Variants in CSMD2 observed in about 807,000 individuals in gnomAD.
CSMD2 encodes CUB and Sushi multiple domains 2.
A neutral mutation model predicts 398.5 loss-of-function variants in CSMD2; 130 were observed. That is an observed-to-expected ratio of 0.33 (90% confidence interval 0.28 to 0.38). The LOEUF (loss-of-function observed/expected upper bound fraction) is 0.38, where lower values mean the gene tolerates loss of function less well. Ranked by LOEUF, CSMD2 falls within the 10% of genes least tolerant of loss-of-function variation. The probability of loss-of-function intolerance (pLI) is 1.00; values close to 1 mark genes in which losing one functional copy is unlikely to be tolerated. For synonymous variants in CSMD2, 1,828 were observed against 1,908.5 expected (o/e 0.96, Z 1.10); for missense variants, 3,829 against 4,764.9 (o/e 0.80, Z 5.78).
chr1:33,664,114 A>G (rs1233665342), intron 25 of CSMD2, among the ~76,000 whole-genome samples: 1 of 152,234 alleles, frequency 6.6e-6, no homozygotes, highest in Non-Finnish European at 1.5e-5. Flanking sequence ...AAAATAAGAC[A>G]TACTCAAGGC....
chr1:33,975,586 T>C (rs892534497), intron 3 of CSMD2, among the ~76,000 whole-genome samples: 1 of 151,780 alleles, frequency 6.6e-6, no homozygotes, highest in Admixed American at 6.6e-5. Flanking sequence ...AGATTCCTTC[T>C]GTAATAAGAT....
chr1:33,515,552 AG>A lies in CSMD2; in HGVS notation c.*1071del, dbSNP rs1394261311. On this transcript the variant is annotated 3_prime_UTR_variant, in exon 71 of 71. Coordinates refer to ENST00000373381, the MANE Select transcript of CSMD2 (RefSeq NM_001281956.2). ...TTCCTAACTCTGTCTTTACCTTTGC[AG>A]GCTTCTGTTTTCTCATCTGTCAAAG... 6.6e-6 allele frequency: 1 copy of A among 152,166 alleles called. No homozygotes were observed. Among genetic ancestry groups the A allele is most frequent in the African/African-American group, 2.4e-5 (1 of 41,422 alleles). The allele number at this position is 152,166 out of a possible 1,614,324, so 9.4% of individuals were successfully genotyped here.
intron 12 of CSMD2, among the ~76,000 whole-genome samples, chr1:33,775,028 A>G (rs1240096959): frequency 6.6e-6 from 1 of 152,198 alleles, no homozygotes; most frequent in Non-Finnish European, 1.5e-5. Context: ...TGCACATAGG[A>G]GAAGCACCTA....
chr1:34,150,340 C>T (rs544962267), intron 1 of CSMD2, among the ~76,000 whole-genome samples: 1 of 152,296 alleles, frequency 6.6e-6, no homozygotes, highest in African/African-American at 2.4e-5. Context: ...CCACCTTAGT[C>T]TCTCAGAGTG....
chr1:33,993,806 C>A (rs976416824), intron 3 of CSMD2, among the ~76,000 whole-genome samples: 3 of 152,116 alleles, frequency 2.0e-5, no homozygotes, highest in African/African-American at 4.8e-5. Context: ...CTCTCCTAGA[C>A]CCCCTTGGAA....
chr1:33,824,915 A>G (rs1365297339), intron 7 of CSMD2, among the ~76,000 whole-genome samples: 1 of 151,950 alleles, frequency 6.6e-6, no homozygotes, highest in Non-Finnish European at 1.5e-5. Context: ...AGGAAAGTGG[A>G]AGGTTTCTGG....
At chr1:34,090,452 AT>A (rs1658425453) in intron 1 of CSMD2, among the ~76,000 whole-genome samples, 1 of 151,856 alleles carries the variant, frequency 6.6e-6, no homozygotes, top group African/African-American at 2.4e-5. Flanking sequence ...CAACGTCATG[AT>A]CCAGGCCAGC....
In CSMD2 at chr1:33,829,072, C is replaced by T. The variant is rs367799412; in HGVS notation, c.1034-3298G>A. Among the ~76,000 whole-genome samples the T allele has an allele frequency of 5.9e-5, 9 of 152,302 alleles. No individual in the cohort carries two copies. In the South Asian group the frequency reaches 1.9e-3, roughly 32 times the overall value. ...TATCACCAGTGTTGCCTGTAGCCAC[C>T]ACATGGTCATCGGATGCATGCTAGA... is the stretch of plus-strand genomic sequence containing the variant. On this transcript the variant is annotated intron_variant, in intron 6 of 70. Coordinates refer to ENST00000373381, the MANE Select transcript of CSMD2 (RefSeq NM_001281956.2).
intron 24 of CSMD2, among the ~76,000 whole-genome samples, chr1:33,696,743 G>A (rs145128546): frequency 6.6e-6 from 1 of 152,020 alleles, no homozygotes; most frequent in East Asian, 1.9e-4. Context: ...CTGGCAGGTG[G>A]GCAGGAGGGG....
intron 49 of CSMD2, among the ~76,000 whole-genome samples, chr1:33,573,082 T>C (rs1489866936): frequency 6.6e-5 from 10 of 152,302 alleles, no homozygotes; most frequent in Non-Finnish European, 1.3e-4. Context: ...AGGGCTGTTA[T>C]GGTGGGAGTT....
intron 39 of CSMD2, 42 bp from the exon 40 acceptor site, chr1:33,614,662 G>A (rs1266948449): frequency 8.8e-7 from 1 of 1,140,516 alleles, no homozygotes. Flanking sequence ...ACAACATCAA[G>A]GGGTGTACAG....
intron 2 of CSMD2, among the ~76,000 whole-genome samples, chr1:34,083,274 T>A (rs1205139121): frequency 6.6e-6 from 1 of 152,102 alleles, no homozygotes; most frequent in Non-Finnish European, 1.5e-5. Flanking sequence ...GAGGCTGAGA[T>A]GTAGGAAAGA....
intron 1 of CSMD2, among the ~76,000 whole-genome samples, chr1:34,089,572 G>C (rs938775120): frequency 2.6e-5 from 4 of 152,048 alleles, no homozygotes; most frequent in Admixed American, 1.3e-4. Context: ...GCAACCTCCT[G>C]GCTCTCAGCT....
At chr1:34,151,330 C>T (rs1265107460) in intron 1 of CSMD2, among the ~76,000 whole-genome samples, 2 of 152,124 alleles carry the variant, frequency 1.3e-5, no homozygotes, top group African/African-American at 2.4e-5. Context: ...CCTAGGCAGA[C>T]GGGAGCAGCT....
chr1:33,549,537 T>C (rs1657230007), intron 56 of CSMD2, among the ~76,000 whole-genome samples: 1 of 152,244 alleles, frequency 6.6e-6, no homozygotes, highest in Non-Finnish European at 1.5e-5. Context: ...CATAGGACCT[T>C]TGGCAGTTCT....
At chr1:34,020,993 T>C (rs965981505) in intron 3 of CSMD2, among the ~76,000 whole-genome samples, 3 of 152,072 alleles carry the variant, frequency 2.0e-5, no homozygotes, top group Non-Finnish European at 4.4e-5. Context: ...CCGCCAAATC[T>C]CCAAATCAGA....
At chr1:33,570,312 T>C (rs1659477178) in intron 51 of CSMD2, among the ~76,000 whole-genome samples, 1 of 149,836 alleles carries the variant, frequency 6.7e-6, no homozygotes, top group Non-Finnish European at 1.5e-5. Context: ...GGATTACAGG[T>C]GGGCACCACC....
At chr1:34,055,645 A>G (rs367689159) in intron 2 of CSMD2, among the ~76,000 whole-genome samples, 3 of 152,230 alleles carry the variant, frequency 2.0e-5, no homozygotes, top group South Asian at 4.1e-4. Flanking sequence ...AGGCCAAGGT[A>G]TGGAGGAAGA....
intron 5 of CSMD2, among the ~76,000 whole-genome samples, chr1:33,861,050 A>G (rs2125112889): frequency 6.6e-6 from 1 of 152,358 alleles, no homozygotes; most frequent in East Asian, 1.9e-4. Context: ...GTATGGAGAT[A>G]AAAATAGCCC....
Sources: allele counts gnomAD v4.1 joint callset (sites outside exome capture counted in the v4.1 genomes callset), GRCh38; gene constraint gnomAD v4.1.1; transcripts MANE v1.5; gene names NCBI Gene and HGNC (gene_info 2026-07-23, HGNC 2026-07-21).